The following UBE2V2 variants were observed in gnomAD, a reference collection of about 807,000 sequenced individuals.
UBE2V2 encodes ubiquitin conjugating enzyme E2 V2, also known as ubiquitin-conjugating enzyme E2 variant 2.
In UBE2V2, 9 loss-of-function variants were observed where a neutral mutation model predicts 17.2. That is an observed-to-expected ratio of 0.52 (90% CI 0.32 to 0.91). The LOEUF (loss-of-function observed/expected upper bound fraction) is 0.91. Among genes scored for constraint, UBE2V2 ranks in the 40% least tolerant of loss-of-function variants. The probability of loss-of-function intolerance (pLI) is 0.04; values close to 1 mark genes in which losing one functional copy is unlikely to be tolerated. For synonymous variants in UBE2V2, 61 were observed against 57.5 expected (o/e 1.06, Z -0.28); for missense variants, 133 against 182.6 (o/e 0.73, Z 1.56).
chr8:48,044,595 C>A (rs1589862605), intron 2 of UBE2V2, among the ~76,000 whole-genome samples: 2 of 152,248 alleles, frequency 1.3e-5, no homozygotes, highest in South Asian at 2.1e-4. Flanking sequence ...CCTGTTTACT[C>A]CCTTGCTCTA....
chr8:48,022,062 C>G (rs576765419), intron 1 of UBE2V2, among the ~76,000 whole-genome samples: 2 of 152,044 alleles, frequency 1.3e-5, no homozygotes, highest in South Asian at 4.2e-4. Context: ...CTAATAACAA[C>G]TTAGCCTTGA....
At chr8:48,012,844 A>G (rs1363689440) in intron 1 of UBE2V2, among the ~76,000 whole-genome samples, 2 of 151,916 alleles carry the variant, frequency 1.3e-5, no homozygotes, top group Admixed American at 1.3e-4. Context: ...TTCCCTGTCA[A>G]TTTCCTTTTT....
chr8:48,023,442 C>T (rs1038245435), intron 1 of UBE2V2, among the ~76,000 whole-genome samples: 1 of 151,200 alleles, frequency 6.6e-6, no homozygotes, highest in Non-Finnish European at 1.5e-5. Context: ...TCTTGAATTC[C>T]TGACATCAGG....
At chr8:48,041,063 A>G (rs888646903) in intron 1 of UBE2V2, among the ~76,000 whole-genome samples, 4 of 150,606 alleles carry the variant, frequency 2.7e-5, no homozygotes, top group African/African-American at 7.3e-5. Context: ...ACAGGGTTTC[A>G]CCGTGTTAGC....
chr8:48,050,117 A>G (rs912605954), intron 3 of UBE2V2, 139 bp downstream of exon 3: 2 of 568,330 alleles, frequency 3.5e-6, no homozygotes, highest in African/African-American at 2.0e-5. Context: ...TGTTAAGCCA[A>G]AAGTCTAAAG....
intron 1 of UBE2V2, among the ~76,000 whole-genome samples, chr8:48,009,059 A>T (rs2091207817): frequency 6.6e-6 from 1 of 152,202 alleles, no homozygotes; most frequent in Non-Finnish European, 1.5e-5. Context: ...CCAGAGCAAG[A>T]TGAAAGCTAA....
intron 1 of UBE2V2, among the ~76,000 whole-genome samples, chr8:48,029,667 A>C (rs780637784): frequency 6.6e-6 from 1 of 152,196 alleles, no homozygotes; most frequent in Non-Finnish European, 1.5e-5. Flanking sequence ...TCTTCATGCC[A>C]TTGTCATCTG....
At chr8:48,016,767 C>T (rs890755098) in intron 1 of UBE2V2, among the ~76,000 whole-genome samples, 7 of 151,170 alleles carry the variant, frequency 4.6e-5, no homozygotes, top group Non-Finnish European at 7.4e-5. Flanking sequence ...CAGGCGTGAG[C>T]CGCCGTGCCC....
rs144648439 is a variant in UBE2V2, at chr8:48,045,818, C to T, written c.165+2637C>T. 3.8e-3 allele frequency among the ~76,000 whole-genome samples: 580 copies of T among 152,308 alleles called. 4 individuals are homozygous for T. Among genetic ancestry groups the T allele is most frequent in the South Asian group, 0.025 (119 of 4,822 alleles). ...AGGTCACAGCAGGCATATTCAGTTG[C>T]CTTTTCATAAAACAGGCAGGAGTTG... On this transcript the variant is annotated intron_variant, in intron 2 of 3. Coordinates refer to ENST00000523111, the MANE Select transcript of UBE2V2 (RefSeq NM_003350.3).
rs564719525 is a variant in UBE2V2, at chr8:48,028,168, A to T, written c.17-14865A>T. On this transcript the variant is annotated intron_variant, in intron 1 of 3. Coordinates refer to ENST00000523111, the MANE Select transcript of UBE2V2 (RefSeq NM_003350.3). ...GTGCCTGGCCCCTTTACTCATTTTT[A>T]TTTATTTATTTATTTTTGAGCTGGA... is the stretch of plus-strand genomic sequence containing the variant. Among the ~76,000 whole-genome samples the T allele has an allele frequency of 2.3e-4, 35 of 149,554 alleles. No homozygotes were observed. In the East Asian group the frequency reaches 6.9e-3, roughly 30 times the overall value.
At chr8:48,008,105 A>T (rs2091197364), upstream of UBE2V2, among the ~76,000 whole-genome samples, 1 of 152,026 alleles carries the variant, frequency 6.6e-6, no homozygotes, top group Admixed American at 6.5e-5. Flanking sequence ...TATTTTTAGT[A>T]GAGACGGGGT....
chr8:48,051,991 AT>A (rs1216426894), intron 3 of UBE2V2, among the ~76,000 whole-genome samples: 1 of 152,138 alleles, frequency 6.6e-6, no homozygotes, highest in African/African-American at 2.4e-5. Context: ...GTCCATTTAC[AT>A]TTAATATTCT....
At chr8:48,060,209 CAAAAAAAAAAAAAAAA>C (rs557515958) in intron 3 of UBE2V2, among the ~76,000 whole-genome samples, 2 of 43,828 alleles carry the variant, frequency 4.6e-5, no homozygotes, top group East Asian at 7.7e-4. Flanking sequence ...GACTCTGTCT[CAAAAAAAAAAAAAAAA>C]AAAAAAAAGG....
intron 1 of UBE2V2, among the ~76,000 whole-genome samples, chr8:48,023,801 A>G (rs1293337593): frequency 1.6e-4 from 24 of 152,146 alleles, no homozygotes; most frequent in African/African-American, 5.5e-4. Flanking sequence ...ACTTGAACCC[A>G]GGAGGCAGAG....
At chr8:48,006,327 T>C (rs1248157337), upstream of UBE2V2, among the ~76,000 whole-genome samples, 2 of 152,200 alleles carry the variant, frequency 1.3e-5, no homozygotes, top group Non-Finnish European at 2.9e-5. Flanking sequence ...TGGTTGTAGA[T>C]ATGTGGAGTT....
At chr8:48,058,201 G>T (rs1421383399) in intron 3 of UBE2V2, among the ~76,000 whole-genome samples, 1 of 152,132 alleles carries the variant, frequency 6.6e-6, no homozygotes, top group Admixed American at 6.5e-5. Flanking sequence ...GGGCGTGGTG[G>T]CTCATGCCTG....
chr8:48,047,426 G>A (rs1187210148), intron 2 of UBE2V2, among the ~76,000 whole-genome samples: 1 of 152,162 alleles, frequency 6.6e-6, no homozygotes, highest in African/African-American at 2.4e-5. Context: ...GAAACAGTGT[G>A]AGAATTAAGT....
intron 1 of UBE2V2, among the ~76,000 whole-genome samples, chr8:48,038,970 C>T (rs1376640129): frequency 6.6e-6 from 1 of 150,972 alleles, no homozygotes; most frequent in Non-Finnish European, 1.5e-5. Context: ...GCTCTGTCAC[C>T]CAGGCTGAAG....
At chr8:48,029,645 T>C (rs2091369653) in intron 1 of UBE2V2, among the ~76,000 whole-genome samples, 1 of 152,252 alleles carries the variant, frequency 6.6e-6, no homozygotes, top group Non-Finnish European at 1.5e-5. Context: ...AGTGCATTGC[T>C]TGGTGTACTG....
Sources: gnomAD v4.1 joint callset for allele counts (sites outside exome capture counted in the v4.1 genomes callset) on GRCh38, gnomAD v4.1.1 for gene constraint, MANE v1.5 for transcripts, NCBI Gene and HGNC (gene_info 2026-07-23, HGNC 2026-07-21) for gene names.